Variants in CYGB observed in about 807,000 individuals in gnomAD.
The protein encoded by CYGB is histoglobin.
A neutral mutation model predicts 20.7 loss-of-function variants in CYGB; 13 were observed. The observed-to-expected ratio is 0.63, with a 90% CI of 0.41 to 1.00. The LOEUF is 1.00. Among genes scored for constraint, CYGB ranks in the 50% least tolerant of loss-of-function variants. The pLI, the probability that CYGB is intolerant of heterozygous loss-of-function variation, is 0.00. For missense variants in CYGB, 218 were observed against 257.2 expected, an observed-to-expected ratio of 0.85 and a Z score of 1.04; for synonymous variants, 93 against 107.4, an observed-to-expected ratio of 0.87 and a Z score of 0.83.
Position 76,531,682 on chromosome 17 carries a change from C to T in CYGB, c.153G>A (p.Val51=). ...AGTACTGCTTGGCCGAGGGGAAGTT[C>T]ACAAAGAACCTGGCAAGAGGAACAG... ...VGVAILVRFF[V]NFPSAKQYFS... is the part of the protein sequence containing the mutation. The change falls in exon 2 of 4, where the codon GTG becomes GTA. Residue 51 remains valine, a synonymous_variant. Transcript: ENST00000293230. This position sits in a 1 kb window ranked among gnomAD's most constrained non-coding sequence, Gnocchi z 7.4. 1 of 1,593,388 alleles carries T rather than the reference C, an allele frequency of 6.3e-7. No homozygotes were observed. Among genetic ancestry groups the T allele is most frequent in the African/African-American group, 1.3e-5 (1 of 74,686 alleles).
At chr17:76,532,085 G>T (rs2074851055) in intron 1 of CYGB, 1 of 173,656 alleles carries the variant, frequency 5.8e-6, no homozygotes, top group African/African-American at 2.4e-5. Context: ...GACTGAAATT[G>T]TTCTGACTCT....
At chr17:76,539,905 C>G (rs2074965062), upstream of CYGB, 2 of 592,518 alleles carry the variant, frequency 3.4e-6, no homozygotes, top group Admixed American at 5.9e-5. Context: ...GTGCTCAATG[C>G]CACAGTGCAT....
At chr17:76,535,390 G>C (rs975587259) in intron 1 of CYGB, among the ~76,000 whole-genome samples, 1 of 152,176 alleles carries the variant, frequency 6.6e-6, no homozygotes, top group Non-Finnish European at 1.5e-5. Context: ...CAGGATCTGA[G>C]AAGGGACCTT....
upstream of CYGB, chr17:76,540,090 C>T (rs566126436): frequency 3.4e-5 from 53 of 1,558,166 alleles, no homozygotes; most frequent in Admixed American, 2.5e-4. This position sits in a 1 kb window ranked among gnomAD's most constrained non-coding sequence, Gnocchi z 5.0. Flanking sequence ...TTTGGCCCCT[C>T]GCCTGTGGCC....
At chr17:76,535,560 C>T (rs2074904793) in intron 1 of CYGB, among the ~76,000 whole-genome samples, 1 of 152,092 alleles carries the variant, frequency 6.6e-6, no homozygotes, top group African/African-American at 2.4e-5. Context: ...GGGCTCTAGT[C>T]CACAAAGAAG....
In CYGB at chr17:76,537,564, G is replaced by A. The variant is rs544590988; in HGVS notation, c.-22C>T. On this transcript the variant is annotated 5_prime_UTR_variant, in exon 1 of 4. Coordinates refer to ENST00000293230, the MANE Select transcript of CYGB (RefSeq NM_134268.5). ...CCATGAGCAGCTCCAAGCCCAGCCC[G>A]GCTTTGCTCGGCGGCGGCGGTGGCG... The A allele has an allele frequency of 9.8e-5, 129 of 1,318,942 alleles. No individual in the cohort carries two copies. The South Asian group carries it at 2.8e-3, about 28-fold the overall frequency. The allele number at this position is 1,318,942 out of a possible 1,614,324, so 81.7% of individuals were successfully genotyped here.
At chr17:76,537,949 G>A (rs909300598), upstream of CYGB, 1 of 151,328 alleles carries the variant, frequency 6.6e-6, no homozygotes, top group African/African-American at 2.4e-5. Context: ...GGCTCGGGTA[G>A]GTGTGGCCGG....
Position 76,528,977 on chromosome 17 carries a change from C to T in CYGB, c.540-366G>A, listed in dbSNP as rs558867435. The T allele has an allele frequency of 8.9e-5, 91 of 1,027,724 alleles. No homozygotes were observed. The African/African-American group carries it at 1.5e-3, about 16-fold the overall frequency. The allele number at this position is 1,027,724 out of a possible 1,614,324, so 63.7% of individuals were successfully genotyped here. On this transcript the variant is annotated intron_variant, in intron 3 of 3. Coordinates refer to ENST00000293230, the MANE Select transcript of CYGB (RefSeq NM_134268.5). This position sits in a 1 kb window ranked among gnomAD's most constrained non-coding sequence, Gnocchi z 5.8. Reference sequence around the variant, plus strand: ...GCGCATTCTGTCCGGCCTGTCTCGTCCCTCCTCGGGCCACCCATCTGTATT... The same window carrying T: ...GCGCATTCTGTCCGGCCTGTCTCGTTCCTCCTCGGGCCACCCATCTGTATT...
At chr17:76,529,368 G>A in intron 3 of CYGB, 1 of 985,460 alleles carries the variant, frequency 1.0e-6, no homozygotes, top group Non-Finnish European at 1.2e-6. Context: ...CAGTCCACAA[G>A]GAGCAGAAGT....
intron 1 of CYGB, 111 bp downstream of exon 1, chr17:76,537,289 T>G: frequency 1.1e-5 from 14 of 1,241,358 alleles, no homozygotes; most frequent in African/African-American, 1.6e-5. Context: ...ACCGGCCCCA[T>G]TCGCGGCTGG....
chr17:76,530,189 T>C lies in CYGB; in HGVS notation c.539+790A>G, dbSNP rs1353801528. ...CTCTGCTTCCCATTCCCGCCTCCGC[T>C]CCTCTCCTCCTTCCTACTCCAGCCC... On this transcript the variant is annotated intron_variant, in intron 3 of 3. Transcript: ENST00000293230. The surrounding 1 kb of genome is among the most constrained non-coding windows in gnomAD (Gnocchi z 6.1). 6.6e-6 allele frequency among the ~76,000 whole-genome samples: 1 copy of C among 152,014 alleles called. No individual in the cohort carries two copies. The highest frequency in any genetic ancestry group is 1.5e-5 in the Non-Finnish European group (1 of 67,986).
chr17:76,539,527 G>A (rs566185785), upstream of CYGB, among the ~76,000 whole-genome samples: 46 of 152,248 alleles, frequency 3.0e-4, no homozygotes, highest in African/African-American at 1.0e-3. Context: ...TGAGTCTCCC[G>A]TCTCTCTGGC....
At chr17:76,529,940 G>A in intron 3 of CYGB, 1 of 985,296 alleles carries the variant, frequency 1.0e-6, no homozygotes, top group Non-Finnish European at 1.2e-6. Context: ...AGCCAGCCCG[G>A]GGCCAGTGTG....
At chr17:76,545,452 A>C (rs2075045376) in intron 1 of CYGB, 1 of 446,684 alleles carries the variant, frequency 2.2e-6, no homozygotes, top group Non-Finnish European at 4.5e-6. Flanking sequence ...AGGAGTGCTC[A>C]GGGGCTTGGG....
intron 1 of CYGB, among the ~76,000 whole-genome samples, chr17:76,534,812 G>A (rs1340088612): frequency 1.3e-5 from 2 of 152,200 alleles, no homozygotes; most frequent in Non-Finnish European, 2.9e-5. Context: ...TTGTGGCCCT[G>A]AGGAATGACA....
At chr17:76,532,829 G>A (rs551150173) in intron 1 of CYGB, among the ~76,000 whole-genome samples, 16 of 152,264 alleles carry the variant, frequency 1.1e-4, no homozygotes, top group African/African-American at 2.9e-4. Flanking sequence ...GAGCCACCAC[G>A]CCCGGCCGAC....
chr17:76,532,868 G>A (rs1338810915), intron 1 of CYGB, among the ~76,000 whole-genome samples: 1 of 152,104 alleles, frequency 6.6e-6, no homozygotes, highest in Non-Finnish European at 1.5e-5. Context: ...CCTCCCTGTC[G>A]GGGCTGGATG....
In CYGB at chr17:76,546,376, G is replaced by C. The variant is rs2075052872; in HGVS notation, c.-53+4486C>G. On this transcript the variant is annotated intron_variant, in intron 1 of 3. Coordinates refer to the CYGB transcript ENST00000589145. This position sits in a 1 kb window ranked among gnomAD's most constrained non-coding sequence, Gnocchi z 4.5. ...GCCACTGCAGCTGTGGCTGTCCACT[G>C]TCACCCTGGGGTGTAGATGTCACCT... The C allele has an allele frequency of 6.6e-6, 1 of 152,264 alleles. No homozygotes were observed. The highest frequency in any genetic ancestry group is 6.5e-5 in the Admixed American group (1 of 15,286). 9.4% of individuals were successfully genotyped at this position (152,264 alleles called of 1,614,324 possible). A position where few individuals can be genotyped will look rare whatever the true frequency, so the allele number is the denominator to read the frequency against.
rs1324441471 is a variant in CYGB, at chr17:76,527,541, A to AGGGGCACACACGG, written c.*1024_*1036dup. The AGGGGCACACACGG allele has an allele frequency of 2.3e-6, 1 of 442,610 alleles. No individual in the cohort carries two copies. The allele number at this position is 442,610 out of a possible 1,614,324, so 27.4% of individuals were successfully genotyped here. ...TCCTTGAAGACGACACACGTGACCAAGGGGCACACACGGGGGGCCCCCCTG... is the reference window on the plus strand; with the variant it reads ...TCCTTGAAGACGACACACGTGACCAAGGGGCACACACGGGGGGCACACACGGGGGGCCCCCCTG... On this transcript the variant is annotated 3_prime_UTR_variant, in exon 4 of 4. Coordinates refer to ENST00000293230, the MANE Select transcript of CYGB (RefSeq NM_134268.5).
Sources: gnomAD v4.1 joint callset for allele counts (sites outside exome capture counted in the v4.1 genomes callset) on GRCh38, gnomAD v4.1.1 for gene constraint, Gnocchi (gnomAD v3.1) non-coding constraint, MANE v1.5 for transcripts, NCBI Gene and HGNC (gene_info 2026-07-23, HGNC 2026-07-21) for gene names.